SEMA6A: variants seen among roughly 807,000 people sequenced by gnomAD.
The protein encoded by SEMA6A is semaphorin 6A.
Under a neutral mutation model 96.8 loss-of-function variants are expected in SEMA6A, and 25 were observed. That is an observed-to-expected ratio of 0.26 (90% CI 0.19 to 0.36). The LOEUF (loss-of-function observed/expected upper bound fraction) is 0.36. Ranked by LOEUF, SEMA6A falls within the 10% of genes least tolerant of loss-of-function variation. SEMA6A has a pLI of 1.00. For missense variants in SEMA6A, 1,363 were observed against 1,323.1 expected (o/e 1.03, Z -0.47); for synonymous variants, 612 against 518.0 (o/e 1.18, Z -2.46).
intron 1 of SEMA6A, among the ~76,000 whole-genome samples, chr5:116,544,643 T>A (rs1426777033): frequency 1.3e-5 from 2 of 152,140 alleles, no homozygotes; most frequent in Non-Finnish European, 2.9e-5. Flanking sequence ...AAGAACAGAT[T>A]TGTGATTACT....
chr5:116,546,072 G>A lies in SEMA6A; in HGVS notation c.-39+28113C>T, dbSNP rs372107594. On this transcript the variant is annotated intron_variant, in intron 1 of 18. Transcript: ENST00000343348. ...AATAAGTATGTGTTGGAAACCAAGG[G>A]CAGAATCTTTGTTTACCAGAGTCAA... Among the ~76,000 whole-genome samples, 50 of 152,316 alleles carry A rather than the reference G, an allele frequency of 3.3e-4. No individual in the cohort carries two copies. The East Asian group carries it at 4.8e-3, about 15-fold the overall frequency.
intron 1 of SEMA6A, among the ~76,000 whole-genome samples, chr5:116,523,526 G>T (rs1029631836): frequency 2.0e-5 from 3 of 151,994 alleles, no homozygotes; most frequent in Non-Finnish European, 2.9e-5. Flanking sequence ...TGCCGAGGCC[G>T]GTCTCGAACT....
chr5:116,478,834 A>T, intron 12 of SEMA6A, 116 bp from the exon 13 acceptor site: 1 of 949,774 alleles, frequency 1.1e-6, no homozygotes, highest in Non-Finnish European at 1.6e-6. Flanking sequence ...AGAAAAATAT[A>T]TGCATATAAA....
At chr5:116,537,414 C>T (rs112378481) in intron 1 of SEMA6A, among the ~76,000 whole-genome samples, 15 of 152,256 alleles carry the variant, frequency 9.9e-5, no homozygotes, top group Admixed American at 6.5e-4. Context: ...CTGCTCTGCA[C>T]GTGAAGCAGT....
chr5:116,449,037 G>C (rs905763954), intron 18 of SEMA6A, among the ~76,000 whole-genome samples: 3 of 152,214 alleles, frequency 2.0e-5, no homozygotes, highest in Admixed American at 6.5e-5. Context: ...GTTTCTGAAG[G>C]AAGGTGCTTT....
chr5:116,539,033 G>T (rs576887214), intron 1 of SEMA6A, among the ~76,000 whole-genome samples: 1 of 152,152 alleles, frequency 6.6e-6, no homozygotes, highest in African/African-American at 2.4e-5. Context: ...TTGTGTGTTT[G>T]CAATCAAGCA....
Position 116,447,802 on chromosome 5 carries a change from C to CA in SEMA6A, c.1903_1904insT (p.Arg635LeufsTer41), listed in dbSNP as rs1391112337. ...GTCGTGGCCTTTGAGGTAACTTTCC[C>CA]GAATCACTCCTGCAATAGACATCGC... On this transcript the variant is annotated frameshift_variant, in exon 19 of 19. Coordinates refer to ENST00000343348, the MANE Select transcript of SEMA6A (RefSeq NM_020796.5). LOFTEE classifies it high-confidence loss of function. 16 of 1,594,824 alleles carry CA rather than the reference C, an allele frequency of 1.0e-5. No homozygotes were observed. Among genetic ancestry groups the CA allele is most frequent in the Non-Finnish European group, 1.3e-5 (15 of 1,167,214 alleles).
rs1301506817 is a variant in SEMA6A at position 116,466,262 on chromosome 5, C to T, written c.1894+1321G>A. 2.6e-5 allele frequency among the ~76,000 whole-genome samples: 4 copies of T among 151,054 alleles called. No homozygotes were observed. The East Asian group carries it at 7.7e-4, about 29-fold the overall frequency. On this transcript the variant is annotated intron_variant, in intron 18 of 18. Coordinates refer to ENST00000343348, the MANE Select transcript of SEMA6A (RefSeq NM_020796.5). ...GCATGGTGGCGGGCACCTATAATCC[C>T]AGCTACTTGGGAAGCTGAGGCAGGG...
chr5:116,561,477 G>C (rs77161259), intron 1 of SEMA6A, among the ~76,000 whole-genome samples: 2,909 of 152,264 alleles, frequency 0.019, 40 homozygotes, highest in Non-Finnish European at 0.03. Context: ...AACAATAAAA[G>C]ATGCAAATAC....
At chr5:116,448,427 G>A (rs1398874539) in intron 18 of SEMA6A, among the ~76,000 whole-genome samples, 1 of 152,232 alleles carries the variant, frequency 6.6e-6, no homozygotes, top group Non-Finnish European at 1.5e-5. Flanking sequence ...GAATATGGGA[G>A]GTTTTGGCTT....
At chr5:116,559,424 A>T (rs921859165) in intron 1 of SEMA6A, among the ~76,000 whole-genome samples, 3 of 152,194 alleles carry the variant, frequency 2.0e-5, no homozygotes, top group Non-Finnish European at 4.4e-5. Flanking sequence ...CGTAGCAGTT[A>T]CAGTCAGACT....
intron 1 of SEMA6A, among the ~76,000 whole-genome samples, chr5:116,558,948 T>G (rs1293451964): frequency 6.6e-6 from 1 of 152,176 alleles, no homozygotes; most frequent in African/African-American, 2.4e-5. Context: ...TTTAAAAACT[T>G]TCATAAAGTA....
intron 1 of SEMA6A, among the ~76,000 whole-genome samples, chr5:116,542,063 A>G (rs1759994043): frequency 6.6e-6 from 1 of 152,252 alleles, no homozygotes; most frequent in African/African-American, 2.4e-5. Flanking sequence ...CTGCTGGGAC[A>G]GTATCCTGGG....
At chr5:116,459,084 T>TATTATTAATTAATTAATTA (rs879548583) in intron 18 of SEMA6A, among the ~76,000 whole-genome samples, 6 of 152,204 alleles carry the variant, frequency 3.9e-5, no homozygotes, top group African/African-American at 9.6e-5. Context: ...TCCTGGATTA[T>TATTATTAATTAATTAATTA]ATTATTAATT....
intron 18 of SEMA6A, among the ~76,000 whole-genome samples, chr5:116,458,362 CTT>C (rs1397826281): frequency 6.6e-6 from 1 of 152,050 alleles, no homozygotes; most frequent in African/African-American, 2.4e-5. Flanking sequence ...TGTCAGAAAA[CTT>C]TGTCATTGTG....
chr5:116,519,065 T>C (rs897928902), intron 1 of SEMA6A, among the ~76,000 whole-genome samples: 7 of 152,080 alleles, frequency 4.6e-5, no homozygotes, highest in African/African-American at 1.7e-4. Context: ...CACATATCTA[T>C]TTAATCAGCT....
rs1331953985 is a variant in SEMA6A at position 116,444,042 on chromosome 5, A to T, written c.*2571T>A. 3 of 152,060 alleles carry T rather than the reference A, an allele frequency of 2.0e-5. No individual in the cohort carries two copies. Among genetic ancestry groups the T allele is most frequent in the African/African-American group, 7.2e-5 (3 of 41,412 alleles). The allele number at this position is 152,060 out of a possible 1,614,324, so 9.4% of individuals were successfully genotyped here. A position where few individuals can be genotyped will look rare whatever the true frequency, so the allele number is the denominator to read the frequency against. The stretch of plus-strand genomic sequence containing the variant: ...CGCTTACGTCAATGATGGGTGCTGC[A>T]CTGCCAGTACTCTCGGGAGTCAAGC... On this transcript the variant is annotated 3_prime_UTR_variant, in exon 19 of 19. Coordinates refer to ENST00000343348, the MANE Select transcript of SEMA6A (RefSeq NM_020796.5).
Position 116,562,610 on chromosome 5 carries a change from T to G in SEMA6A, c.-39+11575A>C, listed in dbSNP as rs1760862264. On this transcript the variant is annotated intron_variant, in intron 1 of 18. Transcript: ENST00000343348. ...AAAGGAAGAACAGGTCATCAGCCTC[T>G]GACCTCAGGTGGCTGACGGAGAAAA... 7 of 691,868 alleles carry G rather than the reference T, an allele frequency of 1.0e-5. No individual in the cohort carries two copies. The South Asian group carries it at 1.0e-4, about 10-fold the overall frequency. 42.9% of individuals were successfully genotyped at this position (691,868 alleles called of 1,614,324 possible). A position where few individuals can be genotyped will look rare whatever the true frequency, so the allele number is the denominator to read the frequency against.
At chr5:116,543,073 A>ATACT (rs1189746189) in intron 1 of SEMA6A, among the ~76,000 whole-genome samples, 2 of 152,194 alleles carry the variant, frequency 1.3e-5, no homozygotes, top group African/African-American at 4.8e-5. Context: ...ATAAAATAGT[A>ATACT]GCTTTTCTCT....
Sources: gnomAD v4.1 joint callset for allele counts (sites outside exome capture counted in the v4.1 genomes callset) on GRCh38, gnomAD v4.1.1 for gene constraint, MANE v1.5 for transcripts, NCBI Gene and HGNC (gene_info 2026-07-23, HGNC 2026-07-21) for gene names.